IGSF3: variants seen among roughly 807,000 people sequenced by gnomAD.
The protein encoded by IGSF3 is glu-Trp-Ile EWI motif-containing protein 3.
IGSF3 carries 23 observed loss-of-function variants against 114.4 expected under a neutral mutation model. That is an observed-to-expected ratio of 0.20 (90% CI 0.14 to 0.28). IGSF3 has a LOEUF of 0.28. Ranked by LOEUF, IGSF3 falls within the 10% of genes least tolerant of loss-of-function variation. The pLI is 1.00. For missense variants in IGSF3, 1,172 were observed against 1,591.5 expected (o/e 0.74, Z 4.48); for synonymous variants, 571 against 645.2 (o/e 0.88, Z 1.74).
chr1:116,601,979 C>G (rs562262076), intron 6 of IGSF3, among the ~76,000 whole-genome samples: 1 of 152,366 alleles, frequency 6.6e-6, no homozygotes, highest in African/African-American at 2.4e-5. Context: ...TCTAACCGAA[C>G]AGCCATAATG....
chr1:116,613,676 G>A lies in IGSF3; in HGVS notation c.832+89C>T, dbSNP rs911911614. On this transcript the variant is annotated intron_variant, in intron 4 of 10. Coordinates refer to ENST00000369486, the MANE Select transcript of IGSF3 (RefSeq NM_001007237.3). ...GAAAACCTGCTGTCCTGGTAGAGGT[G>A]CCCAAAGAAGGAGTCTCCACATTCT... 4 of 1,241,466 alleles carry A rather than the reference G, an allele frequency of 3.2e-6. No individual in the cohort carries two copies. In the African/African-American group the frequency reaches 5.9e-5, roughly 18 times the overall value. The allele number at this position is 1,241,466 out of a possible 1,614,324, so 76.9% of individuals were successfully genotyped here.
Position 116,633,170 on chromosome 1 carries a change from C to T in IGSF3, c.44-16713G>A, listed in dbSNP as rs1453955607. Among the ~76,000 whole-genome samples the T allele has an allele frequency of 2.0e-5, 3 of 152,242 alleles. No homozygotes were observed. Among genetic ancestry groups the T allele is most frequent in the African/African-American group, 7.2e-5 (3 of 41,466 alleles). On this transcript the variant is annotated intron_variant, in intron 2 of 10. Coordinates refer to ENST00000369486, the MANE Select transcript of IGSF3 (RefSeq NM_001007237.3). This position sits in a 1 kb window ranked among gnomAD's most constrained non-coding sequence, Gnocchi z 4.3. ...GCTAAGAAGTTGGTCCCAGCCTGGG[C>T]ATGGTACCACTGTCCTACATTCCAG...
At chr1:116,620,632 CAT>C (rs1661387345) in intron 2 of IGSF3, among the ~76,000 whole-genome samples, 1 of 152,244 alleles carries the variant, frequency 6.6e-6, no homozygotes, top group Non-Finnish European at 1.5e-5. Context: ...GGGAAGACCA[CAT>C]GAGGCCTCCT....
rs559845768 is a variant in IGSF3 at position 116,627,271 on chromosome 1, A to G, written c.44-10814T>C. On this transcript the variant is annotated intron_variant, in intron 2 of 10. Coordinates refer to ENST00000369486, the MANE Select transcript of IGSF3 (RefSeq NM_001007237.3). This position sits in a 1 kb window ranked among gnomAD's most constrained non-coding sequence, Gnocchi z 4.7. The stretch of plus-strand genomic sequence containing the variant: ...CAGTAAGTGCCTCATTCCTTCTCAC[A>G]GCATACATTTCACAGCAATTACTGT... 6.6e-6 allele frequency among the ~76,000 whole-genome samples: 1 copy of G among 152,342 alleles called. No homozygotes were observed. Among genetic ancestry groups the G allele is most frequent in the Admixed American group, 6.5e-5 (1 of 15,310 alleles).
At position 116,615,907 on chromosome 1, in the gene IGSF3, A is replaced by AT. The variant is rs1444657564; in HGVS notation, c.421+172dup. Among the ~76,000 whole-genome samples the AT allele has an allele frequency of 6.6e-6, 1 of 152,184 alleles. No homozygotes were observed. The highest frequency in any genetic ancestry group is 6.5e-5 in the Admixed American group (1 of 15,278). On this transcript the variant is annotated intron_variant, in intron 3 of 10. Coordinates refer to ENST00000369486, the MANE Select transcript of IGSF3 (RefSeq NM_001007237.3). This position sits in a 1 kb window ranked among gnomAD's most constrained non-coding sequence, Gnocchi z 4.3. ...AAAGTTTCACCCTCAACCACCTATT[A>AT]TTTAGAAGTGAACACAGAAATTTAG...
intron 2 of IGSF3, among the ~76,000 whole-genome samples, chr1:116,653,278 GA>G (rs778526389): frequency 3.2e-4 from 48 of 152,324 alleles, no homozygotes; most frequent in Non-Finnish European, 6.3e-4. Context: ...ATATGCAGAA[GA>G]AAACAAGAGT....
chr1:116,635,672 A>T (rs1647794217), intron 2 of IGSF3, among the ~76,000 whole-genome samples: 1 of 152,252 alleles, frequency 6.6e-6, no homozygotes, highest in African/African-American at 2.4e-5. Context: ...TTGTAATGGC[A>T]TCTTCTTGTT....
At position 116,584,944 on chromosome 1, in the gene IGSF3, AGCT is replaced by A; in HGVS notation, c.2546_2548del (p.Gln849del). On this transcript the variant is annotated inframe_deletion, in exon 9 of 11. Coordinates refer to ENST00000369486, the MANE Select transcript of IGSF3 (RefSeq NM_001007237.3). This position sits in a 1 kb window ranked among gnomAD's most constrained non-coding sequence, Gnocchi z 5.8. ...CTTCCATACAAACCATTCCACCATGAGCTGGGAGGTTATGCTGGTGCGGTTGAG... is the reference window on the plus strand; with the variant it reads ...CTTCCATACAAACCATTCCACCATGAGGGAGGTTATGCTGGTGCGGTTGAG... 1 of 1,612,490 alleles carries A rather than the reference AGCT, an allele frequency of 6.2e-7. No individual in the cohort carries two copies. Among genetic ancestry groups the A allele is most frequent in the Non-Finnish European group, 8.5e-7 (1 of 1,178,622 alleles).
chr1:116,622,340 A>G (rs1238234541), intron 2 of IGSF3, among the ~76,000 whole-genome samples: 1 of 152,254 alleles, frequency 6.6e-6, no homozygotes, highest in African/African-American at 2.4e-5. Context: ...TTAAAATTTT[A>G]TCTCATTTCT....
rs543076963 is a variant in IGSF3 at position 116,606,414 on chromosome 1, A to C, written c.1222+1528T>G. The C allele has an allele frequency of 4.4e-6, 7 of 1,604,950 alleles. No individual in the cohort carries two copies. The South Asian group carries it at 6.7e-5, about 15-fold the overall frequency. On this transcript the variant is annotated intron_variant, in intron 5 of 10. Coordinates refer to ENST00000369486, the MANE Select transcript of IGSF3 (RefSeq NM_001007237.3). Reference sequence around the variant, plus strand: ...ATATGCAGAAGCACTTTGGTCTCTTAGGAGGAAAAGCGCCATTAAAATCCA... The same window carrying C: ...ATATGCAGAAGCACTTTGGTCTCTTCGGAGGAAAAGCGCCATTAAAATCCA...
Position 116,615,043 on chromosome 1 carries a change from G to A in IGSF3, c.422-868C>T, listed in dbSNP as rs1206136570. Among the ~76,000 whole-genome samples, 2 of 152,018 alleles carry A rather than the reference G, an allele frequency of 1.3e-5. No individual in the cohort carries two copies. Among genetic ancestry groups the A allele is most frequent in the East Asian group, 3.9e-4 (2 of 5,156 alleles). On this transcript the variant is annotated intron_variant, in intron 3 of 10. Transcript: ENST00000369486. The surrounding 1 kb of genome is among the most constrained non-coding windows in gnomAD (Gnocchi z 4.3). ...TAATCCCAACACTTTGGGAGGGTGA[G>A]GGAGGCGGATCACCTGAGGTCGGGA...
At chr1:116,586,889 T>G (rs1470528918) in intron 8 of IGSF3, among the ~76,000 whole-genome samples, 4 of 152,038 alleles carry the variant, frequency 2.6e-5, no homozygotes, top group Admixed American at 2.6e-4. Context: ...GGGACTGGCC[T>G]GAAGTCAGGA....
rs2101512308 is a variant in IGSF3, at chr1:116,618,193, C to T, written c.44-1736G>A. On this transcript the variant is annotated intron_variant, in intron 2 of 10. Transcript: ENST00000369486. The surrounding 1 kb of genome is among the most constrained non-coding windows in gnomAD (Gnocchi z 4.7). ...CTCACAAACAAAATCTTACACAGAA[C>T]CCCATCTTGGCTTCAGCAGAATCAG... 6.6e-6 allele frequency among the ~76,000 whole-genome samples: 1 copy of T among 152,310 alleles called. No individual in the cohort carries two copies. The highest frequency in any genetic ancestry group is 2.1e-4 in the South Asian group (1 of 4,822).
rs1018791909 is a variant in IGSF3, at chr1:116,575,108, C to A, written c.*2204G>T. On this transcript the variant is annotated 3_prime_UTR_variant, in exon 11 of 11. Transcript: ENST00000369486. This position sits in a 1 kb window ranked among gnomAD's most constrained non-coding sequence, Gnocchi z 5.6. ...TAGTCCCAGCCAGCGCTCTGGCAAC[C>A]TCCCATTTAGACAGAGGAAACGCCA... The A allele has an allele frequency of 1.3e-5, 2 of 152,618 alleles. No individual in the cohort carries two copies. The highest frequency in any genetic ancestry group is 2.4e-5 in the African/African-American group (1 of 41,446). The allele number at this position is 152,618 out of a possible 1,614,324, so 9.5% of individuals were successfully genotyped here.
At position 116,638,295 on chromosome 1, in the gene IGSF3, C is replaced by T. The variant is rs752058012; in HGVS notation, c.44-21838G>A. On this transcript the variant is annotated intron_variant, in intron 2 of 10. Coordinates refer to ENST00000369486, the MANE Select transcript of IGSF3 (RefSeq NM_001007237.3). The surrounding 1 kb of genome is among the most constrained non-coding windows in gnomAD (Gnocchi z 4.1). ...ACTTGTCAACTGCCTAATCCAGCCA[C>T]GCTGTTCTTCAATTTTAAAGGTCTT... 6.6e-5 allele frequency among the ~76,000 whole-genome samples: 10 copies of T among 152,312 alleles called. 1 individual carries two copies. Among genetic ancestry groups the T allele is most frequent in the Non-Finnish European group, 1.5e-5 (1 of 68,036 alleles).
chr1:116,588,965 C>T lies in IGSF3; in HGVS notation c.2169G>A (p.Ser723=), dbSNP rs111508941. The change falls in exon 8 of 11, where the codon TCG becomes TCA. Residue 723 remains serine (S), a synonymous_variant. Transcript: ENST00000369486. This position sits in a 1 kb window ranked among gnomAD's most constrained non-coding sequence, Gnocchi z 4.9. ...TCAGGATAAGCTTGCCATCGGCATC[C>T]GAGGGCTTGTGGACATACCAGAGCA... The part of the protein sequence containing the change: ...FAVLWYVHKP[S]DADGKLILKT... 16 of 1,614,202 alleles carry T rather than the reference C, an allele frequency of 9.9e-6. No individual in the cohort carries two copies. The highest frequency in any genetic ancestry group is 1.6e-4 in the Middle Eastern group (1 of 6,062).
Position 116,584,465 on chromosome 1 carries a change from T to A in IGSF3, c.2848+180A>T. The A allele has an allele frequency of 1.6e-6, 1 of 623,030 alleles. No homozygotes were observed. Among genetic ancestry groups the A allele is most frequent in the Non-Finnish European group, 2.8e-6 (1 of 359,728 alleles). The allele number at this position is 623,030 out of a possible 1,614,324, so 38.6% of individuals were successfully genotyped here. ...CCTTAGGCCAAAGCCAGACGTGCAA[T>A]TTTCCATTCACAAGAAAAAAAATTC... On this transcript the variant is annotated intron_variant, in intron 9 of 10. Coordinates refer to ENST00000369486, the MANE Select transcript of IGSF3 (RefSeq NM_001007237.3). The surrounding 1 kb of genome is among the most constrained non-coding windows in gnomAD (Gnocchi z 5.8).
chr1:116,621,991 T>C (rs377022615), intron 2 of IGSF3, among the ~76,000 whole-genome samples: 3 of 152,186 alleles, frequency 2.0e-5, no homozygotes, highest in Non-Finnish European at 4.4e-5. Flanking sequence ...TCACTGTGTC[T>C]GGGAAAGCCA....
In IGSF3 at chr1:116,615,638, G is replaced by C. The variant is rs1355757799; in HGVS notation, c.421+442C>G. ...AAAGGACCTTCAATGTACAAGGTCT[G>C]AGCAAGGACCCACAGCCACATGTGC... On this transcript the variant is annotated intron_variant, in intron 3 of 10. Coordinates refer to ENST00000369486, the MANE Select transcript of IGSF3 (RefSeq NM_001007237.3). This position sits in a 1 kb window ranked among gnomAD's most constrained non-coding sequence, Gnocchi z 4.3. Among the ~76,000 whole-genome samples the C allele has an allele frequency of 1.3e-5, 2 of 151,646 alleles. No homozygotes were observed. Among genetic ancestry groups the C allele is most frequent in the Non-Finnish European group, 3.0e-5 (2 of 67,784 alleles).
Sources: allele counts gnomAD v4.1 joint callset (sites outside exome capture counted in the v4.1 genomes callset), GRCh38; gene constraint gnomAD v4.1.1; non-coding constraint Gnocchi (gnomAD v3.1); transcripts MANE v1.5; gene names NCBI Gene and HGNC (gene_info 2026-07-23, HGNC 2026-07-21).